The following PCCA variants were observed in gnomAD, a reference collection of about 807,000 sequenced individuals.
PCCA encodes propionyl-CoA carboxylase subunit alpha.
In PCCA, 74 loss-of-function variants were observed where a neutral mutation model predicts 101.3. The observed-to-expected ratio is 0.73, with a 90% CI of 0.61 to 0.89. PCCA has a LOEUF of 0.89. PCCA is among the 40% of genes least tolerant of loss of function. PCCA has a pLI of 0.00. For synonymous variants in PCCA, 294 were observed against 313.6 expected, an observed-to-expected ratio of 0.94 and a Z score of 0.66; for missense variants, 891 against 907.0, an observed-to-expected ratio of 0.98 and a Z score of 0.23.
intron 21 of PCCA, among the ~76,000 whole-genome samples, chr13:100,451,549 G>C (rs1274314958): frequency 6.6e-6 from 1 of 152,054 alleles, no homozygotes; most frequent in Non-Finnish European, 1.5e-5. Flanking sequence ...CTGCTACTTA[G>C]CATCTCTACT....
At chr13:100,274,729 T>C (rs371512766) in intron 12 of PCCA, among the ~76,000 whole-genome samples, 98 of 152,262 alleles carry the variant, frequency 6.4e-4, no homozygotes, top group Middle Eastern at 6.8e-3. Context: ...ACTAGTCACA[T>C]TGGATTCAGG....
intron 19 of PCCA, among the ~76,000 whole-genome samples, chr13:100,411,927 T>A (rs1214233312): frequency 6.6e-6 from 1 of 152,162 alleles, no homozygotes; most frequent in African/African-American, 2.4e-5. Context: ...ATTCAGTCCA[T>A]AGCACAAGGA....
intron 8 of PCCA, among the ~76,000 whole-genome samples, chr13:100,239,199 CA>C (rs1465098554): frequency 1.3e-5 from 2 of 152,126 alleles, no homozygotes; most frequent in Non-Finnish European, 2.9e-5. Flanking sequence ...TGGGTTTAAT[CA>C]TTTTTGTTTA....
At chr13:100,476,318 A>G (rs2083417414) in intron 21 of PCCA, among the ~76,000 whole-genome samples, 1 of 149,882 alleles carries the variant, frequency 6.7e-6, no homozygotes, top group Non-Finnish European at 1.5e-5. Flanking sequence ...TTGGAAACTC[A>G]GATAGTAAAA....
At chr13:100,211,575 C>T (rs911530249) in intron 7 of PCCA, among the ~76,000 whole-genome samples, 15 of 152,064 alleles carry the variant, frequency 9.9e-5, no homozygotes, top group African/African-American at 3.4e-4. Context: ...TTTTTGAATG[C>T]CATTCTTAGA....
intron 19 of PCCA, among the ~76,000 whole-genome samples, chr13:100,413,982 G>A (rs1194548434): frequency 4.6e-5 from 7 of 152,278 alleles, no homozygotes; most frequent in Non-Finnish European, 8.8e-5. Context: ...GGATATTTTT[G>A]TAGACCGTAA....
At chr13:100,212,897 C>T (rs2059305324) in intron 7 of PCCA, among the ~76,000 whole-genome samples, 1 of 151,862 alleles carries the variant, frequency 6.6e-6, no homozygotes, top group Non-Finnish European at 1.5e-5. Flanking sequence ...ACTACCCTTC[C>T]CAGCCTCTGG....
chr13:100,470,831 C>T (rs1207579280), intron 21 of PCCA, among the ~76,000 whole-genome samples: 1 of 152,036 alleles, frequency 6.6e-6, no homozygotes, highest in Non-Finnish European at 1.5e-5. Context: ...TGCACTCCAG[C>T]CTGGGCGACA....
intron 7 of PCCA, among the ~76,000 whole-genome samples, chr13:100,221,242 C>CT (rs1360594207): frequency 1.3e-5 from 2 of 152,170 alleles, no homozygotes; most frequent in Non-Finnish European, 2.9e-5. Flanking sequence ...TTCAGTGGGT[C>CT]TTTATTCCTA....
At chr13:100,429,270 A>C (rs2079376122) in intron 20 of PCCA, among the ~76,000 whole-genome samples, 1 of 152,020 alleles carries the variant, frequency 6.6e-6, no homozygotes, top group South Asian at 2.1e-4. Context: ...CATTGCTCCA[A>C]GAGTTCCAGC....
intron 21 of PCCA, among the ~76,000 whole-genome samples, chr13:100,474,809 C>A (rs1010381696): frequency 6.6e-6 from 1 of 152,080 alleles, no homozygotes; most frequent in Non-Finnish European, 1.5e-5. Flanking sequence ...GGCCAGAATT[C>A]TTTGACTGTT....
intron 16 of PCCA, among the ~76,000 whole-genome samples, chr13:100,313,601 T>A (rs775092252): frequency 6.6e-6 from 1 of 152,182 alleles, no homozygotes; most frequent in Non-Finnish European, 1.5e-5. Flanking sequence ...TGAGCCTTAA[T>A]TTCTAATGTT....
At chr13:100,340,074 A>G in intron 17 of PCCA, 83 bp from the exon 18 acceptor site, 1 of 820,604 alleles carries the variant, frequency 1.2e-6, no homozygotes, top group Non-Finnish European at 2.2e-6. Flanking sequence ...TACTTGTTTG[A>G]ATGACTAGTA....
At chr13:100,091,711 T>C (rs1474683207) in intron 1 of PCCA, among the ~76,000 whole-genome samples, 2 of 152,208 alleles carry the variant, frequency 1.3e-5, no homozygotes, top group Admixed American at 1.3e-4. Context: ...ACCATTCTTT[T>C]AGCCAGTCAA....
In PCCA at chr13:100,515,513, G is replaced by A. The variant is rs750603082; in HGVS notation, c.1986G>A (p.Leu662=). The A allele has an allele frequency of 1.9e-6, 3 of 1,614,156 alleles. No homozygotes were observed. In the South Asian group the frequency reaches 3.3e-5, roughly 18 times the overall value. ...TGACTGAGGACACAAGCAGTGTTCT[G>A]CGTTCCCCGATGCCCGGAGTGGTGG... The part of the protein sequence containing the change: ...EKVTEDTSSV[L]RSPMPGVVVA... Residue 662 remains leucine, a synonymous_variant, in exon 22 of 24, where the codon CTG becomes CTA. Coordinates refer to ENST00000376285, the MANE Select transcript of PCCA (RefSeq NM_000282.4).
At chr13:100,397,663 A>G (rs1360765117) in intron 19 of PCCA, among the ~76,000 whole-genome samples, 5 of 152,196 alleles carry the variant, frequency 3.3e-5, no homozygotes, top group Admixed American at 2.0e-4. Flanking sequence ...TTGAAATGTT[A>G]AACCTATGGC....
chr13:100,520,553 T>C (rs1005930895), intron 22 of PCCA, among the ~76,000 whole-genome samples: 2 of 141,046 alleles, frequency 1.4e-5, no homozygotes, highest in Admixed American at 8.0e-5. Flanking sequence ...GAGAATGGCG[T>C]GAACCCGGAA....
chr13:100,527,682 A>G lies in PCCA; in HGVS notation c.2048A>G (p.Glu683Gly). Residue 683 changes from glutamate (E) to glycine (G), a missense_variant, in exon 23 of 24, where the codon GAA (glutamate) becomes GGA (glycine). Glu to Gly is a moderately conservative substitution (Grantham distance 98). Transcript: ENST00000376285. ...VSVKPGDAVAEGQEICVIEAM... is the reference protein window; with the variant it reads ...VSVKPGDAVAGGQEICVIEAM... ...CCCATTTTTGTTTTCCAGGTAGCAG[A>G]AGGTCAAGAAATTTGTGTGATTGAA... 6.2e-7 allele frequency: 1 copy of G among 1,613,426 alleles called. No homozygotes were observed. The highest frequency in any genetic ancestry group is 1.1e-5 in the South Asian group (1 of 91,072).
rs191640308 is a variant in PCCA at position 100,377,242 on chromosome 13, G to C, written c.1746+8668G>C. ...ATCTCGCGGGGAGCTACAGACCGGA[G>C]CTGTTCCTGTTTGGCCATCTTGCCA... On this transcript the variant is annotated intron_variant, in intron 19 of 23. Transcript: ENST00000376285. Among the ~76,000 whole-genome samples the C allele has an allele frequency of 1.2e-4, 18 of 152,136 alleles. No homozygotes were observed. In the East Asian group the frequency reaches 3.3e-3, roughly 28 times the overall value.
Sources: allele counts gnomAD v4.1 joint callset (sites outside exome capture counted in the v4.1 genomes callset), GRCh38; gene constraint gnomAD v4.1.1; transcripts MANE v1.5; gene names NCBI Gene and HGNC (gene_info 2026-07-23, HGNC 2026-07-21).